The following RPH3AL variants were observed in gnomAD, a reference collection of about 807,000 sequenced individuals.
RPH3AL encodes the protein rabphilin 3A like (without C2 domains), also known as rab effector Noc2.
RPH3AL carries 38 observed loss-of-function variants against 43.1 expected under a neutral mutation model. The observed-to-expected ratio is 0.88, with a 90% CI of 0.68 to 1.15. The LOEUF (loss-of-function observed/expected upper bound fraction) is 1.15. Ranked by LOEUF, RPH3AL falls within the 50% of genes most tolerant of loss-of-function variation. The pLI, the probability that RPH3AL is intolerant of heterozygous loss-of-function variation, is 0.00. For synonymous variants in RPH3AL, 189 were observed against 176.3 expected (o/e 1.07, Z -0.57); for missense variants, 462 against 423.2 (o/e 1.09, Z -0.81).
At chr17:248,784 G>A (rs1281334293) in intron 6 of RPH3AL, among the ~76,000 whole-genome samples, 1 of 152,226 alleles carries the variant, frequency 6.6e-6, no homozygotes, top group Non-Finnish European at 1.5e-5. Context: ...CTCTGAGCCT[G>A]AGTTTCTTTA....
intron 5 of RPH3AL, among the ~76,000 whole-genome samples, chr17:304,934 A>AG (rs1267695859): frequency 1.6e-5 from 1 of 61,168 alleles, no homozygotes; most frequent in East Asian, 5.0e-4. Flanking sequence ...ACAGGGCGAG[A>AG]GGGGGACAGG....
At chr17:316,365 CATTG>C (rs2044184326) in intron 5 of RPH3AL, among the ~76,000 whole-genome samples, 1 of 151,712 alleles carries the variant, frequency 6.6e-6, no homozygotes, top group African/African-American at 2.4e-5. Flanking sequence ...GCTCCACCTC[CATTG>C]ACCTGTAGTC....
At position 347,539 on chromosome 17, in the gene RPH3AL, GT is replaced by G. The variant is rs199979392; in HGVS notation, c.-213+5172del. Among the ~76,000 whole-genome samples, 841 of 151,960 alleles carry G rather than the reference GT, an allele frequency of 5.5e-3. 26 individuals are homozygous for G. Among genetic ancestry groups the G allele is most frequent in the Admixed American group, 0.045 (693 of 15,270 alleles). On this transcript the variant is annotated intron_variant, in intron 1 of 9. Transcript: ENST00000331302. ...CTCAGGGTGGCAGGGAGCCGTGACT[GT>G]ACAACCACACTCCAGCCTGGGTGAC...
intron 8 of RPH3AL, 119 bp downstream of exon 8, chr17:219,504 T>G: frequency 5.1e-6 from 2 of 391,760 alleles, no homozygotes; most frequent in Non-Finnish European, 9.3e-6. Context: ...GCCTAATAGT[T>G]TCATTTCTTT....
chr17:232,896 A>G (rs1321715979), intron 7 of RPH3AL, among the ~76,000 whole-genome samples: 2 of 139,082 alleles, frequency 1.4e-5, no homozygotes, highest in African/African-American at 2.8e-5. Flanking sequence ...GTTGGCTTCT[A>G]TTAGCTTTAC....
intron 5 of RPH3AL, among the ~76,000 whole-genome samples, chr17:298,597 C>T (rs1014747638): frequency 2.6e-5 from 4 of 151,528 alleles, no homozygotes; most frequent in African/African-American, 9.7e-5. Flanking sequence ...CCTAGCTACT[C>T]GGGAGGCTGA....
chr17:310,218 G>A (rs1189359613), intron 5 of RPH3AL, among the ~76,000 whole-genome samples: 1 of 152,100 alleles, frequency 6.6e-6, no homozygotes, highest in African/African-American at 2.4e-5. Flanking sequence ...TAATTAACCA[G>A]CCAGCCCCTC....
intron 5 of RPH3AL, among the ~76,000 whole-genome samples, chr17:305,733 C>CAT (rs1353509751): frequency 1.3e-5 from 2 of 152,152 alleles, no homozygotes; most frequent in Admixed American, 6.5e-5. Context: ...CCTGGGCCCA[C>CAT]ATTCTCTCCC....
At chr17:315,534 T>TCCATTGACCTGTAGTCCCTGTGAC (rs2043986212) in intron 5 of RPH3AL, among the ~76,000 whole-genome samples, 1 of 23,368 alleles carries the variant, frequency 4.3e-5, no homozygotes, top group Non-Finnish European at 1.1e-4. Flanking sequence ...GTCCCTGTGC[T>TCCATTGACCTGTAGTCCCTGTGAC]CCCACCTCCA....
intron 5 of RPH3AL, chr17:306,500 C>A (rs1487188523): frequency 6.6e-6 from 1 of 152,332 alleles, no homozygotes; most frequent in East Asian, 1.9e-4. Context: ...GTGCTTGGTA[C>A]CCCTAGAGTG....
rs782166003 is a variant in RPH3AL, at chr17:264,009, G to A, written c.439-16724C>T. 8.5e-5 allele frequency among the ~76,000 whole-genome samples: 13 copies of A among 152,150 alleles called. No homozygotes were observed. The highest frequency in any genetic ancestry group is 2.1e-4 in the South Asian group (1 of 4,820). Reference sequence around the variant, plus strand: ...TGAGGGTATCGTGCTGTTAGCGGACGCGATGCTGCTTTCCAAGATGGCTGG... The same window carrying A: ...TGAGGGTATCGTGCTGTTAGCGGACACGATGCTGCTTTCCAAGATGGCTGG... On this transcript the variant is annotated intron_variant, in intron 6 of 9. Transcript: ENST00000331302. The surrounding 1 kb of genome is among the most constrained non-coding windows in gnomAD (Gnocchi z 4.8).
rs1000972253 is a variant in RPH3AL, at chr17:328,568, C to A, written c.-36-989G>T. ...ACTCCTAGTTACACACCCAAGAGTACCCAAAACATACGTCCTCACCAAAAC... is the reference window on the plus strand; with the variant it reads ...ACTCCTAGTTACACACCCAAGAGTAACCAAAACATACGTCCTCACCAAAAC... On this transcript the variant is annotated intron_variant, in intron 2 of 9. Transcript: ENST00000331302. This position sits in a 1 kb window ranked among gnomAD's most constrained non-coding sequence, Gnocchi z 4.2. Among the ~76,000 whole-genome samples, 2 of 152,092 alleles carry A rather than the reference C, an allele frequency of 1.3e-5. No individual in the cohort carries two copies. Among genetic ancestry groups the A allele is most frequent in the African/African-American group, 4.8e-5 (2 of 41,386 alleles).
Position 323,157 on chromosome 17 carries a change from G to A in RPH3AL, c.78-1742C>T, listed in dbSNP as rs2044526033. 6.6e-6 allele frequency among the ~76,000 whole-genome samples: 1 copy of A among 152,142 alleles called. No homozygotes were observed. The highest frequency in any genetic ancestry group is 1.5e-5 in the Non-Finnish European group (1 of 68,022). On this transcript the variant is annotated intron_variant, in intron 3 of 9. Transcript: ENST00000331302. This position sits in a 1 kb window ranked among gnomAD's most constrained non-coding sequence, Gnocchi z 4.4. ...AACAGGTGCTTCCCCATGGAAGGAG[G>A]GAGGCGGGTTCAGGCAGAGGAGATC...
chr17:341,790 C>T (rs1472144306), intron 1 of RPH3AL, among the ~76,000 whole-genome samples: 2 of 152,116 alleles, frequency 1.3e-5, no homozygotes, highest in Non-Finnish European at 2.9e-5. Flanking sequence ...TCAAGTTGTC[C>T]TCCCACCTCG....
intron 7 of RPH3AL, among the ~76,000 whole-genome samples, chr17:227,272 T>A (rs1199653924): frequency 6.6e-6 from 1 of 152,220 alleles, no homozygotes; most frequent in African/African-American, 2.4e-5. Flanking sequence ...TGCTCACTCT[T>A]GGCTGGGTTT....
At position 246,617 on chromosome 17, in the gene RPH3AL, A is replaced by G. The variant is rs1169996364; in HGVS notation, c.613+494T>C. Among the ~76,000 whole-genome samples the G allele has an allele frequency of 6.6e-6, 1 of 152,132 alleles. No individual in the cohort carries two copies. The highest frequency in any genetic ancestry group is 2.4e-5 in the African/African-American group (1 of 41,424). On this transcript the variant is annotated intron_variant, in intron 7 of 9. Coordinates refer to ENST00000331302, the MANE Select transcript of RPH3AL (RefSeq NM_006987.4). This position sits in a 1 kb window ranked among gnomAD's most constrained non-coding sequence, Gnocchi z 4.8. Reference sequence around the variant, plus strand: ...CAAGTGGGGCGGCCACCTGAGACACACACACCTTACTGTAGCCACCAGAAC... The same window carrying G: ...CAAGTGGGGCGGCCACCTGAGACACGCACACCTTACTGTAGCCACCAGAAC...
In RPH3AL at chr17:241,986, A is replaced by G. The variant is rs1450243005; in HGVS notation, c.613+5125T>C. 2.6e-5 allele frequency among the ~76,000 whole-genome samples: 4 copies of G among 152,166 alleles called. No homozygotes were observed. In the South Asian group the frequency reaches 6.2e-4, roughly 24 times the overall value. On this transcript the variant is annotated intron_variant, in intron 7 of 9. Transcript: ENST00000331302. ...ACAAAAATTAGCCAGGTTTGGTGGTATATGCCTGTAATCCCAGCTATTCAG... is the reference window on the plus strand; with the variant it reads ...ACAAAAATTAGCCAGGTTTGGTGGTGTATGCCTGTAATCCCAGCTATTCAG...
chr17:333,305 A>T lies in RPH3AL; in HGVS notation c.-37+454T>A. 7.8e-7 allele frequency: 1 copy of T among 1,286,088 alleles called. No individual in the cohort carries two copies. Among genetic ancestry groups the T allele is most frequent in the East Asian group, 5.6e-5 (1 of 17,986 alleles). The allele number at this position is 1,286,088 out of a possible 1,614,324, so 79.7% of individuals were successfully genotyped here. ...CGTGGTCACTCCTGGGGGCGGTAGGATATTTTATCCTAAAGAGAAAACACC... is the reference window on the plus strand; with the variant it reads ...CGTGGTCACTCCTGGGGGCGGTAGGTTATTTTATCCTAAAGAGAAAACACC... On this transcript the variant is annotated intron_variant, in intron 2 of 9. Transcript: ENST00000331302. This position sits in a 1 kb window ranked among gnomAD's most constrained non-coding sequence, Gnocchi z 4.5.
rs1485978733 is a variant in RPH3AL at position 283,045 on chromosome 17, C to A, written c.352-1191G>T. Among the ~76,000 whole-genome samples, 1 of 152,164 alleles carries A rather than the reference C, an allele frequency of 6.6e-6. No individual in the cohort carries two copies. The highest frequency in any genetic ancestry group is 1.9e-4 in the East Asian group (1 of 5,190). ...TGTTGGGGCTGAGACCGGCTCCAGG[C>A]TAACCCAGGCAGAGTCTGATTCAGC... On this transcript the variant is annotated intron_variant, in intron 5 of 9. Coordinates refer to ENST00000331302, the MANE Select transcript of RPH3AL (RefSeq NM_006987.4). This position sits in a 1 kb window ranked among gnomAD's most constrained non-coding sequence, Gnocchi z 4.2.
Sources: gnomAD v4.1 joint callset for allele counts (sites outside exome capture counted in the v4.1 genomes callset) on GRCh38, gnomAD v4.1.1 for gene constraint, Gnocchi (gnomAD v3.1) non-coding constraint, MANE v1.5 for transcripts, NCBI Gene and HGNC (gene_info 2026-07-23, HGNC 2026-07-21) for gene names.